MCM3AP: variants seen among roughly 807,000 people sequenced by gnomAD.
MCM3AP encodes the protein minichromosome maintenance complex component 3 associated protein.
A neutral mutation model predicts 184.1 loss-of-function variants in MCM3AP; 126 were observed. The ratio of observed to expected loss-of-function variants is 0.68; its 90% CI spans 0.59 to 0.79. The LOEUF is 0.79. Among genes scored for constraint, MCM3AP ranks in the 30% least tolerant of loss-of-function variants. MCM3AP has a pLI of 0.00. For missense variants in MCM3AP, 2,496 were observed against 2,479.2 expected (o/e 1.01, Z -0.14); for synonymous variants, 1,002 against 979.3 (o/e 1.02, Z -0.43).
chr21:46,283,665 TG>T lies in MCM3AP; in HGVS notation c.1392del (p.Ile465SerfsTer43). The T allele has an allele frequency of 6.2e-7, 1 of 1,614,160 alleles. No homozygotes were observed. Among genetic ancestry groups the T allele is most frequent in the South Asian group, 1.1e-5 (1 of 91,078 alleles). On this transcript the variant is annotated frameshift_variant, in exon 2 of 28. Transcript: ENST00000291688. LOFTEE classifies it high-confidence loss of function. The part of the protein sequence containing the change: ...NHFGKIAKVQ[R>X]IFTRRSKKLA... The stretch of plus-strand genomic sequence containing the variant: ...AGCTTTTTGCTGCGCCTGGTAAAGA[TG>T]CGCTGCACTTTAGCAATTTTGCCAA...
intron 24 of MCM3AP, 45 bp downstream of exon 24, chr21:46,243,419 GA>G (rs1569052528): frequency 1.4e-5 from 22 of 1,540,524 alleles, no homozygotes; most frequent in Non-Finnish European, 1.8e-5. Context: ...ACTGGACCAG[GA>G]AAGTCTCGTG....
intron 22 of MCM3AP, 131 bp downstream of exon 22, chr21:46,246,176 C>T (rs1026687313): frequency 9.4e-6 from 6 of 640,002 alleles, no homozygotes; most frequent in African/African-American, 9.1e-5. Context: ...TGCCACTATA[C>T]TGGGTGACAA....
chr21:46,284,889 T>G lies in MCM3AP; in HGVS notation c.398A>C (p.Glu133Ala). Reference sequence around the variant, plus strand: ...TTTCCCAAAACCAGAGTTCACTATTTCTCCAGCTTCTTGTCCAAAAGCAGA... The same window carrying G: ...TTTCCCAAAACCAGAGTTCACTATTGCTCCAGCTTCTTGTCCAAAAGCAGA... ...STSAFGQEAGEIVNSGFGKTE... is the reference protein window; with the variant it reads ...STSAFGQEAGAIVNSGFGKTE... The change falls in exon 1 of 28, where the codon GAA becomes GCA. Residue 133 changes from glutamate (E) to alanine (A), a missense_variant. By Grantham distance (107) the Glu-to-Ala change is moderately radical. This residue lies in a region of MCM3AP where 800 missense variants were observed against 717.1 expected (regional missense o/e 1.12). Coordinates refer to ENST00000291688, the MANE Select transcript of MCM3AP (RefSeq NM_003906.5). The G allele has an allele frequency of 4.3e-6, 7 of 1,614,204 alleles. No individual in the cohort carries two copies. Among genetic ancestry groups the G allele is most frequent in the Non-Finnish European group, 5.1e-6 (6 of 1,180,030 alleles).
intron 10 of MCM3AP, 151 bp downstream of exon 10, chr21:46,266,831 C>T (rs2081118405): frequency 6.1e-6 from 5 of 821,526 alleles, no homozygotes; most frequent in Non-Finnish European, 9.4e-6. Flanking sequence ...GGGAACACCC[C>T]CAGCCATTCT....
At chr21:46,245,559 A>C (rs990851704) in intron 22 of MCM3AP, among the ~76,000 whole-genome samples, 1 of 152,224 alleles carries the variant, frequency 6.6e-6, no homozygotes, top group Non-Finnish European at 1.5e-5. Context: ...TAACAGCTTC[A>C]CTATGTGCCA....
At chr21:46,244,700 A>G (rs2080733982) in intron 23 of MCM3AP, 107 bp downstream of exon 23, 1 of 1,205,766 alleles carries the variant, frequency 8.3e-7, no homozygotes, top group Admixed American at 2.3e-5. Flanking sequence ...GTGGACGTGC[A>G]GCCCTCACAC....
At chr21:46,274,174 G>A (rs1458448986) in intron 6 of MCM3AP, among the ~76,000 whole-genome samples, 1 of 152,254 alleles carries the variant, frequency 6.6e-6, no homozygotes, top group South Asian at 2.1e-4. Flanking sequence ...CGCACCAGGC[G>A]AAGGGTGTAT....
In MCM3AP at chr21:46,284,240, A is replaced by C. The variant is rs762067166; in HGVS notation, c.1047T>G (p.Asn349Lys). ...TGTTGCCCAGACGACCTACTTCCTT[A>C]TTGCTTTTGAAAACATCCTGTATCG... ...GRTIQDVFKS[N>K]KEVGRLGNKE... The change falls in exon 1 of 28, where the codon AAT (asparagine) becomes AAG (lysine). Residue 349 changes from asparagine (N) to lysine (K), a missense_variant. Coordinates refer to ENST00000291688, the MANE Select transcript of MCM3AP (RefSeq NM_003906.5). 1 of 1,614,014 alleles carries C rather than the reference A, an allele frequency of 6.2e-7. No individual in the cohort carries two copies. Among genetic ancestry groups the C allele is most frequent in the South Asian group, 1.1e-5 (1 of 91,068 alleles).
Position 46,284,502 on chromosome 21 carries a change from G to A in MCM3AP, c.785C>T (p.Pro262Leu), listed in dbSNP as rs747677317. Reference sequence around the variant, plus strand: ...GACACCTGCTTTGCTAGCCTGGAAAGGTTCGCCCAAAACCGCAGATGATAC... The same window carrying A: ...GACACCTGCTTTGCTAGCCTGGAAAAGTTCGCCCAAAACCGCAGATGATAC... ...FPVSSAVLGE[P>L]FQASKAGVRQ... The change falls in exon 1 of 28, where the codon CCT becomes CTT. Residue 262 changes from proline (P) to leucine (L), a missense_variant. Physicochemically the swap from Pro to Leu is moderately conservative, Grantham distance 98. Around this residue, in one of 5 missense-constraint regions of MCM3AP, gnomAD observed 800 missense variants for 717.1 expected, o/e 1.12. Coordinates refer to ENST00000291688, the MANE Select transcript of MCM3AP (RefSeq NM_003906.5). 4.7e-5 allele frequency: 76 copies of A among 1,614,066 alleles called. No homozygotes were observed. The highest frequency in any genetic ancestry group is 6.3e-5 in the Non-Finnish European group (74 of 1,180,046).
At position 46,246,725 on chromosome 21, in the gene MCM3AP, C is replaced by T; in HGVS notation, c.4452G>A (p.Lys1484=). The change falls in exon 21 of 28, where the codon AAG becomes AAA. Residue 1484 remains lysine, a synonymous_variant. Coordinates refer to ENST00000291688, the MANE Select transcript of MCM3AP (RefSeq NM_003906.5). ...VYWLSALLQL[K]QLLQAKPFQP... ...GGAAGGGCTTAGCCTGCAGGAGCTG[C>T]TTGAGCTGCAGCAAGGCCGACAGCC... 1 of 1,614,230 alleles carries T rather than the reference C, an allele frequency of 6.2e-7. No individual in the cohort carries two copies. The highest frequency in any genetic ancestry group is 8.5e-7 in the Non-Finnish European group (1 of 1,180,036).
In MCM3AP at chr21:46,240,984, G is replaced by A; in HGVS notation, c.5460C>T (p.Asn1820=). The A allele has an allele frequency of 2.5e-6, 4 of 1,613,980 alleles. No homozygotes were observed. The highest frequency in any genetic ancestry group is 1.1e-5 in the South Asian group (1 of 91,086). ...TGTGAAGCAATGGTATGGGAAAATT[G>A]TTTGCAGAAGGATGAAAAGGCTTTA... ...LAIKPFHPSA[N]NFPIPLLHMH... is the part of the protein sequence containing the mutation. The change falls in exon 26 of 28, where the codon AAC becomes AAT. Residue 1820 remains asparagine (N), a synonymous_variant. Transcript: ENST00000291688.
intron 4 of MCM3AP, among the ~76,000 whole-genome samples, chr21:46,278,002 T>A (rs1280108754): frequency 6.6e-6 from 1 of 152,118 alleles, no homozygotes; most frequent in Non-Finnish European, 1.5e-5. Flanking sequence ...AATTTAAAAA[T>A]TAGCCGGGCA....
intron 7 of MCM3AP, 35 bp from the exon 8 acceptor site, chr21:46,272,864 T>A: frequency 6.5e-7 from 1 of 1,527,778 alleles, no homozygotes; most frequent in Non-Finnish European, 8.8e-7. Flanking sequence ...CACACACACA[T>A]TCCCATGCAA....
At chr21:46,264,029 C>G (rs1238178707) in intron 13 of MCM3AP, 88 bp downstream of exon 13, 6 of 818,900 alleles carry the variant, frequency 7.3e-6, no homozygotes, top group Non-Finnish European at 1.2e-5. Context: ...TCCAAAAACG[C>G]AGGCAACTTT....
chr21:46,281,719 G>A (rs1043087691), intron 2 of MCM3AP, among the ~76,000 whole-genome samples: 15 of 152,080 alleles, frequency 9.9e-5, no homozygotes, highest in African/African-American at 2.9e-4. Context: ...ATAAAAACAA[G>A]GCCAGGCATG....
At chr21:46,254,669 C>A in intron 18 of MCM3AP, 107 bp downstream of exon 18, 1 of 1,412,334 alleles carries the variant, frequency 7.1e-7, no homozygotes, top group South Asian at 1.2e-5. Flanking sequence ...AAGTCTGGAG[C>A]TCATCGAAGA....
Position 46,283,816 on chromosome 21 carries a change from C to A in MCM3AP, c.1242G>T (p.Ala414=). The A allele has an allele frequency of 1.9e-6, 3 of 1,613,420 alleles. No homozygotes were observed. The highest frequency in any genetic ancestry group is 2.5e-6 in the Non-Finnish European group (3 of 1,179,922). Residue 414 remains alanine (A), a synonymous_variant, in exon 2 of 28, where the codon GCG becomes GCT. Transcript: ENST00000291688. ...KKEDSLRGTP[A]RQSNRSESTD... ...TGCTCTCGCTTCTGTTACTCTGACG[C>A]GCCGGAGTTCCTCTTAGAGAATCTA... is the stretch of plus-strand genomic sequence containing the variant.
intron 26 of MCM3AP, among the ~76,000 whole-genome samples, chr21:46,239,584 T>C (rs1197990875): frequency 6.6e-6 from 1 of 152,086 alleles, no homozygotes; most frequent in Non-Finnish European, 1.5e-5. Flanking sequence ...GGAACTGGAT[T>C]TGGGATATGT....
chr21:46,276,347 T>C (rs1475556436), intron 5 of MCM3AP, among the ~76,000 whole-genome samples: 1 of 152,206 alleles, frequency 6.6e-6, no homozygotes, highest in African/African-American at 2.4e-5. Flanking sequence ...TGATGTTTGA[T>C]GGCAGCTTTT....
Sources: allele counts gnomAD v4.1 joint callset (sites outside exome capture counted in the v4.1 genomes callset), GRCh38; gene constraint gnomAD v4.1.1; regional missense constraint gnomAD v4.1.1; transcripts MANE v1.5; gene names NCBI Gene and HGNC (gene_info 2026-07-23, HGNC 2026-07-21).